CNTN4: variants seen among roughly 807,000 people sequenced by gnomAD.
The protein encoded by CNTN4 is contactin 4.
A neutral mutation model predicts 122.5 loss-of-function variants in CNTN4; 77 were observed. The ratio of observed to expected loss-of-function variants is 0.63; its 90% CI spans 0.52 to 0.76. CNTN4 has a LOEUF of 0.76. CNTN4 is among the 30% of genes least tolerant of loss of function. The pLI, the probability that CNTN4 is intolerant of heterozygous loss-of-function variation, is 0.00. For missense variants in CNTN4, 1,256 were observed against 1,259.1 expected (o/e 1.00, Z 0.04); for synonymous variants, 512 against 447.0 (o/e 1.15, Z -1.83).
chr3:2,471,123 A>G (rs554469097), intron 3 of CNTN4, among the ~76,000 whole-genome samples: 1 of 152,334 alleles, frequency 6.6e-6, no homozygotes, highest in East Asian at 1.9e-4. Flanking sequence ...AACTAAAAAA[A>G]TCACAGCACA....
intron 2 of CNTN4, among the ~76,000 whole-genome samples, chr3:2,296,710 A>G (rs1666373): frequency 0.31 from 47,126 of 151,208 alleles, 7,798 homozygotes; most frequent in East Asian, 0.57. Context: ...AGAAGAATAA[A>G]ATGGTCCACA....
At chr3:2,157,112 T>G (rs9872867) in intron 2 of CNTN4, among the ~76,000 whole-genome samples, 3,804 of 152,308 alleles carry the variant, frequency 0.025, 146 homozygotes, top group African/African-American at 0.087. Flanking sequence ...AAAGAGAAGT[T>G]CTGGTTCCTG....
intron 3 of CNTN4, among the ~76,000 whole-genome samples, chr3:2,540,357 A>C (rs1038564376): frequency 1.3e-5 from 2 of 151,904 alleles, no homozygotes; most frequent in Non-Finnish European, 2.9e-5. Context: ...GCTAGTTTGG[A>C]GGCATGTGTC....
chr3:2,253,915 G>A (rs867994753), intron 2 of CNTN4, among the ~76,000 whole-genome samples: 2 of 152,064 alleles, frequency 1.3e-5, no homozygotes, highest in South Asian at 2.1e-4. Flanking sequence ...TATACTTTAA[G>A]TTCTGGGATA....
At chr3:2,930,147 T>C (rs1036648233) in intron 13 of CNTN4, among the ~76,000 whole-genome samples, 1 of 152,236 alleles carries the variant, frequency 6.6e-6, no homozygotes, top group Non-Finnish European at 1.5e-5. Flanking sequence ...CCCTATGTTC[T>C]CTTTCAATTC....
intron 3 of CNTN4, among the ~76,000 whole-genome samples, chr3:2,361,990 C>T (rs919241161): frequency 6.6e-6 from 1 of 152,110 alleles, no homozygotes; most frequent in African/African-American, 2.4e-5. Flanking sequence ...TTGGAGGGGT[C>T]TAGGAAAAGT....
chr3:2,972,872 C>G (rs1270357648), intron 13 of CNTN4, among the ~76,000 whole-genome samples: 1 of 151,004 alleles, frequency 6.6e-6, no homozygotes, highest in African/African-American at 2.5e-5. Flanking sequence ...TTACTATCTT[C>G]TGCTTTGCCA....
chr3:2,433,779 T>C (rs1168119271), intron 3 of CNTN4, among the ~76,000 whole-genome samples: 1 of 152,210 alleles, frequency 6.6e-6, no homozygotes, highest in East Asian at 1.9e-4. Flanking sequence ...CTTTAATCCA[T>C]TTTGAGTTGA....
chr3:2,104,229 C>CAT (rs1553563719), intron 2 of CNTN4, among the ~76,000 whole-genome samples: 5 of 135,586 alleles, frequency 3.7e-5, no homozygotes, highest in African/African-American at 1.1e-4. Flanking sequence ...TTTATGTCTA[C>CAT]GTGTGTGTGT....
chr3:2,925,532 A>T, intron 12 of CNTN4, 97 bp from the exon 13 acceptor site: 1 of 1,344,980 alleles, frequency 7.4e-7, no homozygotes, highest in Non-Finnish European at 1.0e-6. Context: ...GCAACAGAGC[A>T]AGACTCTGTC....
At chr3:2,328,095 A>G (rs1255853940) in intron 2 of CNTN4, among the ~76,000 whole-genome samples, 1 of 152,162 alleles carries the variant, frequency 6.6e-6, no homozygotes, top group Non-Finnish European at 1.5e-5. Context: ...TTGTCTTCCA[A>G]TCATACTTCT....
At chr3:2,288,328 T>C (rs1183325521) in intron 2 of CNTN4, among the ~76,000 whole-genome samples, 2 of 152,072 alleles carry the variant, frequency 1.3e-5, no homozygotes, top group African/African-American at 4.8e-5. Flanking sequence ...GGAGCCAGTG[T>C]GTACAGAGAT....
At chr3:2,284,710 A>G (rs143511305) in intron 2 of CNTN4, among the ~76,000 whole-genome samples, 1 of 152,142 alleles carries the variant, frequency 6.6e-6, no homozygotes, top group East Asian at 1.9e-4. Context: ...ATCTTTGAGA[A>G]TGTTCCTTCT....
intron 10 of CNTN4, among the ~76,000 whole-genome samples, chr3:2,897,831 T>C (rs893166087): frequency 1.3e-5 from 2 of 152,154 alleles, no homozygotes; most frequent in African/African-American, 4.8e-5. Flanking sequence ...AGATTTTAGA[T>C]CTTCAGATTA....
At chr3:2,694,175 C>A (rs1231833746) in intron 4 of CNTN4, among the ~76,000 whole-genome samples, 2 of 152,188 alleles carry the variant, frequency 1.3e-5, no homozygotes, top group East Asian at 3.9e-4. Context: ...GTCTTTCCCC[C>A]TGCCCATCAG....
chr3:2,353,020 C>T (rs2044702367), intron 3 of CNTN4, among the ~76,000 whole-genome samples: 1 of 151,972 alleles, frequency 6.6e-6, no homozygotes, highest in Non-Finnish European at 1.5e-5. Flanking sequence ...AATCAGCACT[C>T]TGTCTAGCTC....
chr3:2,113,907 C>A (rs2033151384), intron 2 of CNTN4, among the ~76,000 whole-genome samples: 1 of 152,186 alleles, frequency 6.6e-6, no homozygotes, highest in African/African-American at 2.4e-5. Flanking sequence ...CCATCCCACT[C>A]ATCAATGTGA....
chr3:2,743,369 G>A (rs1469217002), intron 5 of CNTN4, among the ~76,000 whole-genome samples: 2 of 152,020 alleles, frequency 1.3e-5, no homozygotes, highest in African/African-American at 4.8e-5. Context: ...ATACTTTCTT[G>A]TCTGTGTCAG....
intron 3 of CNTN4, among the ~76,000 whole-genome samples, chr3:2,513,530 T>C (rs1184732085): frequency 1.3e-5 from 2 of 152,136 alleles, no homozygotes; most frequent in African/African-American, 4.8e-5. Context: ...CCCCTTTATT[T>C]GTACTTAGCA....
Sources: gnomAD v4.1 joint callset for allele counts (sites outside exome capture counted in the v4.1 genomes callset) on GRCh38, gnomAD v4.1.1 for gene constraint, MANE v1.5 for transcripts, NCBI Gene and HGNC (gene_info 2026-07-23, HGNC 2026-07-21) for gene names.